KIAA1755: variants seen among roughly 807,000 people sequenced by gnomAD.
The protein encoded by KIAA1755 is uncharacterized protein KIAA1755.
A neutral mutation model predicts 91.7 loss-of-function variants in KIAA1755; 68 were observed. The ratio of observed to expected loss-of-function variants is 0.74; its 90% CI spans 0.61 to 0.91. The LOEUF is 0.91. KIAA1755 is among the 40% of genes least tolerant of loss of function. KIAA1755 has a pLI of 0.00. For synonymous variants in KIAA1755, 610 were observed against 604.6 expected (o/e 1.01, Z -0.13); for missense variants, 1,535 against 1,494.4 (o/e 1.03, Z -0.45).
chr20:38,226,139 T>C (rs189543088), intron 7 of KIAA1755, among the ~76,000 whole-genome samples: 37 of 152,338 alleles, frequency 2.4e-4, no homozygotes, highest in African/African-American at 8.9e-4. Flanking sequence ...GCCCTTGTGA[T>C]GAAACTTCTT....
intron 2 of KIAA1755, among the ~76,000 whole-genome samples, chr20:38,242,822 C>T (rs2076092132): frequency 6.6e-6 from 1 of 152,156 alleles, no homozygotes; most frequent in East Asian, 1.9e-4. Flanking sequence ...ATTTATTTCT[C>T]ATTAAATAAA....
rs993290294 is a variant in KIAA1755, at chr20:38,212,155, T to A, written c.*887A>T. The stretch of plus-strand genomic sequence containing the variant: ...AGCAAGACCCCATGTCTACAAAAAA[T>A]AAATAAATAATAAGCTGAGCATGGT... On this transcript the variant is annotated 3_prime_UTR_variant, in exon 14 of 14. Coordinates refer to ENST00000279024, the MANE Select transcript of KIAA1755 (RefSeq NM_001029864.2). The A allele has an allele frequency of 2.0e-5, 3 of 151,468 alleles. No homozygotes were observed. Among genetic ancestry groups the A allele is most frequent in the African/African-American group, 4.9e-5 (2 of 41,142 alleles). 9.4% of individuals were successfully genotyped at this position (151,468 alleles called of 1,614,324 possible). A position where few individuals can be genotyped will look rare whatever the true frequency, so the allele number is the denominator to read the frequency against.
At chr20:38,222,344 CCCT>C (rs1226874779) in intron 10 of KIAA1755, 102 bp downstream of exon 10, 31 of 1,254,376 alleles carry the variant, frequency 2.5e-5, no homozygotes, top group Middle Eastern at 2.9e-4. Flanking sequence ...AAGCTGGGCG[CCCT>C]CGGGGCTCAG....
intron 1 of KIAA1755, among the ~76,000 whole-genome samples, chr20:38,255,243 C>T (rs1012138227): frequency 6.6e-6 from 1 of 152,020 alleles, no homozygotes; most frequent in Non-Finnish European, 1.5e-5. Context: ...TCTAAACCAA[C>T]AGCCACAGGT....
chr20:38,260,114 C>G (rs2076420006), intron 1 of KIAA1755: 1 of 1,063,362 alleles, frequency 9.4e-7, no homozygotes, highest in South Asian at 1.8e-5. Flanking sequence ...ACCACTCTTC[C>G]CCATCCAAAC....
Position 38,242,026 on chromosome 20 carries a change from G to C in KIAA1755, c.202-97C>G, listed in dbSNP as rs925984749. On this transcript the variant is annotated intron_variant, in intron 2 of 13. Coordinates refer to ENST00000279024, the MANE Select transcript of KIAA1755 (RefSeq NM_001029864.2). ...CTCTCCCACGTGGAATCTGGAACAG[G>C]TCAGGGACTAGGATGAGGCAGCATT... The C allele has an allele frequency of 6.3e-6, 8 of 1,270,344 alleles. No homozygotes were observed. The African/African-American group carries it at 1.0e-4, about 17-fold the overall frequency. 78.7% of individuals were successfully genotyped at this position (1,270,344 alleles called of 1,614,324 possible).
At chr20:38,248,038 G>T (rs1039875828) in intron 1 of KIAA1755, among the ~76,000 whole-genome samples, 11 of 152,096 alleles carry the variant, frequency 7.2e-5, no homozygotes, top group African/African-American at 2.7e-4. Flanking sequence ...GGCCAGCCTG[G>T]CCAACATAGC....
chr20:38,246,150 T>C, intron 1 of KIAA1755, 24 bp from the exon 2 acceptor site: 1 of 1,590,256 alleles, frequency 6.3e-7, no homozygotes, highest in Non-Finnish European at 8.6e-7. Context: ...GAGGAGGGGG[T>C]GATAATAGCA....
chr20:38,222,758 C>G, intron 9 of KIAA1755, 161 bp from the exon 10 acceptor site: 1 of 744,690 alleles, frequency 1.3e-6, no homozygotes, highest in East Asian at 2.7e-5. Flanking sequence ...CTAGCCATGT[C>G]CCCTCTCGTC....
At chr20:38,251,509 G>A (rs577602227) in intron 1 of KIAA1755, among the ~76,000 whole-genome samples, 1 of 151,974 alleles carries the variant, frequency 6.6e-6, no homozygotes, top group Non-Finnish European at 1.5e-5. Flanking sequence ...GAGTGGGGGT[G>A]GGGGGATGTG....
intron 2 of KIAA1755, 53 bp from the exon 3 acceptor site, chr20:38,241,982 C>T (rs1600635091): frequency 1.3e-6 from 2 of 1,547,890 alleles, no homozygotes; most frequent in East Asian, 2.3e-5. Flanking sequence ...AGGCTCCACC[C>T]TTGGATTTGC....
At chr20:38,259,806 T>TGCC (rs2076409841) in intron 1 of KIAA1755, among the ~76,000 whole-genome samples, 2 of 126,672 alleles carry the variant, frequency 1.6e-5, no homozygotes, top group African/African-American at 7.2e-5. Context: ...AACGCATCCC[T>TGCC]GCCACCACCA....
At chr20:38,228,516 A>G (rs906322646) in intron 5 of KIAA1755, among the ~76,000 whole-genome samples, 1 of 152,232 alleles carries the variant, frequency 6.6e-6, no homozygotes, top group African/African-American at 2.4e-5. Context: ...ACCCAGGTAC[A>G]GTAGGCAAGT....
Position 38,213,387 on chromosome 20 carries a change from G to C in KIAA1755, c.3258C>G (p.Ser1086=). 6.2e-7 allele frequency: 1 copy of C among 1,602,624 alleles called. No homozygotes were observed. Among genetic ancestry groups the C allele is most frequent in the Non-Finnish European group, 8.5e-7 (1 of 1,174,136 alleles). The change falls in exon 14 of 14, where the codon TCC becomes TCG. Residue 1086 remains serine (S), a synonymous_variant. Coordinates refer to ENST00000279024, the MANE Select transcript of KIAA1755 (RefSeq NM_001029864.2). The part of the protein sequence containing the change: ...KGQGVSVEVT[S]KGRWDQPPLD... ...GTGGAGGCTGATCCCACCTCCCCTTGGAAGTGACCTCTACACTCACACCCT... is the reference window on the plus strand; with the variant it reads ...GTGGAGGCTGATCCCACCTCCCCTTCGAAGTGACCTCTACACTCACACCCT...
intron 1 of KIAA1755, among the ~76,000 whole-genome samples, chr20:38,249,611 C>T (rs540345442): frequency 6.6e-6 from 1 of 152,250 alleles, no homozygotes; most frequent in Non-Finnish European, 1.5e-5. Flanking sequence ...GTGTCCACAG[C>T]CCATTGTGAT....
rs916393275 is a variant in KIAA1755 at position 38,228,058 on chromosome 20, C to T, written c.1965+89G>A. 4.4e-6 allele frequency: 4 copies of T among 907,680 alleles called. No individual in the cohort carries two copies. The African/African-American group carries it at 5.1e-5, about 12-fold the overall frequency. 56.2% of individuals were successfully genotyped at this position (907,680 alleles called of 1,614,324 possible). ...CCCTGCCTGAGAGTCCTGGTCCCAGCCTTAAGCACCCCCGGACTCTATGAA... is the reference window on the plus strand; with the variant it reads ...CCCTGCCTGAGAGTCCTGGTCCCAGTCTTAAGCACCCCCGGACTCTATGAA... On this transcript the variant is annotated intron_variant, in intron 6 of 13. Coordinates refer to ENST00000279024, the MANE Select transcript of KIAA1755 (RefSeq NM_001029864.2).
In KIAA1755 at chr20:38,246,111, C is replaced by A; in HGVS notation, c.19G>T (p.Asp7Tyr). 1 of 1,613,116 alleles carries A rather than the reference C, an allele frequency of 6.2e-7. No individual in the cohort carries two copies. Among genetic ancestry groups the A allele is most frequent in the Non-Finnish European group, 8.5e-7 (1 of 1,179,804 alleles). Residue 7 changes from aspartate (D) to tyrosine (Y), a missense_variant, in exon 2 of 14, where the codon GAC (aspartate) becomes TAC (tyrosine). Asp to Tyr is a radical substitution (Grantham distance 160, BLOSUM62 -3). Coordinates refer to ENST00000279024, the MANE Select transcript of KIAA1755 (RefSeq NM_001029864.2). ...GCCAGGGCATGCTGGATGGCTGTGT[C>A]GAGGGATGGAGGGTCCTGTGGGGGA... The part of the protein sequence containing the change: MDPPSL[D>Y]TAIQHALAGL...
chr20:38,242,342 C>T (rs2123248034), intron 2 of KIAA1755, among the ~76,000 whole-genome samples: 1 of 152,258 alleles, frequency 6.6e-6, no homozygotes. Context: ...GTGCAAATTG[C>T]TTAACTTCTT....
At chr20:38,260,155 C>G (rs2076420897) in intron 1 of KIAA1755, 1 of 1,317,686 alleles carries the variant, frequency 7.6e-7, no homozygotes, top group Non-Finnish European at 9.9e-7. Context: ...ATATCACAGT[C>G]AGTTCCAAAA....
Sources: gnomAD v4.1 joint callset for allele counts (sites outside exome capture counted in the v4.1 genomes callset) on GRCh38, gnomAD v4.1.1 for gene constraint, MANE v1.5 for transcripts, NCBI Gene and HGNC (gene_info 2026-07-23, HGNC 2026-07-21) for gene names.